Variants in USP32 observed in about 807,000 individuals in gnomAD.
USP32 encodes the protein ubiquitin carboxyl-terminal hydrolase 32.
Under a neutral mutation model 204.8 loss-of-function variants are expected in USP32, and 59 were observed. The ratio of observed to expected loss-of-function variants is 0.29; its 90% CI spans 0.23 to 0.36. The LOEUF (loss-of-function observed/expected upper bound fraction) is 0.36, where lower values mean the gene tolerates loss of function less well. USP32 is among the 10% of genes least tolerant of loss of function. The pLI is 1.00. For missense variants in USP32, 1,160 were observed against 1,946.4 expected (o/e 0.60, Z 7.60); for synonymous variants, 517 against 678.4 (o/e 0.76, Z 3.70).
chr17:60,194,303 T>C (rs548743858), intron 27 of USP32, among the ~76,000 whole-genome samples: 33 of 152,214 alleles, frequency 2.2e-4, no homozygotes, highest in African/African-American at 7.7e-4. Flanking sequence ...CTCAGCCTCC[T>C]AAAGTGCTGG....
intron 1 of USP32, among the ~76,000 whole-genome samples, chr17:60,397,261 C>A (rs1365439867): frequency 2.6e-5 from 4 of 152,294 alleles, no homozygotes; most frequent in Non-Finnish European, 4.4e-5. Flanking sequence ...CCTTAATATG[C>A]TTTCTTAGAT....
At chr17:60,399,778 G>C (rs1005722482) in intron 1 of USP32, among the ~76,000 whole-genome samples, 5 of 152,162 alleles carry the variant, frequency 3.3e-5, no homozygotes, top group African/African-American at 7.2e-5. Flanking sequence ...AGCAGACTTT[G>C]TGGATATCCA....
At chr17:60,183,491 G>T (rs1246812417) in intron 30 of USP32, 38 bp from the exon 31 acceptor site, 2 of 1,525,732 alleles carry the variant, frequency 1.3e-6, no homozygotes, top group Admixed American at 4.4e-5. Flanking sequence ...GCATTAAAGG[G>T]TTCTGAAGAT....
At chr17:60,349,628 A>ATATAT (rs2088895093) in intron 1 of USP32, among the ~76,000 whole-genome samples, 1 of 100,850 alleles carries the variant, frequency 9.9e-6, no homozygotes, top group African/African-American at 6.2e-5. Context: ...TATATATTAT[A>ATATAT]TATATATATA....
At chr17:60,264,991 T>C (rs1204333852) in intron 9 of USP32, among the ~76,000 whole-genome samples, 1 of 152,158 alleles carries the variant, frequency 6.6e-6, no homozygotes, top group Non-Finnish European at 1.5e-5. Context: ...GAAATCACTA[T>C]TCCAACTTCT....
chr17:60,192,064 G>A (rs1282697469), intron 28 of USP32, among the ~76,000 whole-genome samples: 1 of 151,996 alleles, frequency 6.6e-6, no homozygotes, highest in Non-Finnish European at 1.5e-5. Context: ...GGAGGCTGAG[G>A]TGGGTGGATC....
At chr17:60,346,952 CTGTCA>C (rs1171940195) in intron 1 of USP32, among the ~76,000 whole-genome samples, 1 of 152,122 alleles carries the variant, frequency 6.6e-6, no homozygotes, top group Non-Finnish European at 1.5e-5. Context: ...AGACTCTGTC[CTGTCA>C]TAAGGAAGGG....
intron 1 of USP32, among the ~76,000 whole-genome samples, chr17:60,417,707 G>A (rs1430278406): frequency 1.3e-5 from 2 of 152,082 alleles, no homozygotes; most frequent in African/African-American, 4.8e-5. Flanking sequence ...GCCTGCCTCA[G>A]CCTCCCAAAG....
At chr17:60,202,848 A>G (rs2084712214) in intron 26 of USP32, among the ~76,000 whole-genome samples, 2 of 146,000 alleles carry the variant, frequency 1.4e-5, no homozygotes, top group African/African-American at 5.6e-5. Context: ...GATGTAATTA[A>G]GTTGAGGATG....
chr17:60,349,596 AATATATAT>A (rs1187939098), intron 1 of USP32, among the ~76,000 whole-genome samples: 5 of 65,176 alleles, frequency 7.7e-5, no homozygotes, highest in African/African-American at 2.2e-4. Flanking sequence ...AAAAAAAAAA[AATATATAT>A]ATATATATAT....
chr17:60,309,041 A>T (rs984302780), intron 2 of USP32, among the ~76,000 whole-genome samples: 2 of 152,222 alleles, frequency 1.3e-5, no homozygotes, highest in Admixed American at 1.3e-4. Context: ...ACTAGAAAAA[A>T]ACATTGGGGG....
At position 60,182,626 on chromosome 17, in the gene USP32, AGTG is replaced by A. The variant is rs551487634; in HGVS notation, c.4123+536_4123+538del. ...AAAAATACAAAAATTAGCCAGGTGCAGTGGTGCATGCCTGTAGTCCCAGCTACT... is the reference window on the plus strand; with the variant it reads ...AAAAATACAAAAATTAGCCAGGTGCAGTGCATGCCTGTAGTCCCAGCTACT... On this transcript the variant is annotated intron_variant, in intron 31 of 33. Transcript: ENST00000300896. 1.7e-3 allele frequency among the ~76,000 whole-genome samples: 264 copies of A among 152,156 alleles called. 2 individuals carry two copies. The highest frequency in any genetic ancestry group is 3.0e-3 in the Non-Finnish European group (205 of 67,986).
chr17:60,350,320 G>A (rs60735357), intron 1 of USP32, among the ~76,000 whole-genome samples: 6,762 of 151,830 alleles, frequency 0.045, 539 homozygotes, highest in African/African-American at 0.15. Flanking sequence ...ACTGAGTCTC[G>A]CTCTGTAGCC....
At chr17:60,194,682 C>T (rs559789348) in intron 27 of USP32, among the ~76,000 whole-genome samples, 1 of 152,236 alleles carries the variant, frequency 6.6e-6, no homozygotes, top group Non-Finnish European at 1.5e-5. Context: ...ATATGTAAAC[C>T]CTCTCCAAAT....
At chr17:60,179,753 C>A (rs2084053076) in intron 33 of USP32, among the ~76,000 whole-genome samples, 1 of 152,200 alleles carries the variant, frequency 6.6e-6, no homozygotes, top group African/African-American at 2.4e-5. Flanking sequence ...TCACTGCAAC[C>A]TCTGCCTCCT....
intron 5 of USP32, among the ~76,000 whole-genome samples, chr17:60,279,837 A>AAAT (rs774142388): frequency 4.7e-5 from 7 of 149,908 alleles, no homozygotes; most frequent in Admixed American, 2.0e-4. Context: ...AGCCTGTCTC[A>AAAT]AATAATAATA....
intron 9 of USP32, among the ~76,000 whole-genome samples, chr17:60,255,788 T>C (rs956472016): frequency 1.3e-5 from 2 of 152,216 alleles, no homozygotes; most frequent in Non-Finnish European, 2.9e-5. Context: ...TAAATATCTC[T>C]GAATTTTATC....
chr17:60,315,728 A>G (rs1180350731), intron 2 of USP32: 1 of 152,266 alleles, frequency 6.6e-6, no homozygotes, highest in Non-Finnish European at 1.5e-5. Flanking sequence ...TTATTTAGCC[A>G]TAAAAAAGAA....
intron 2 of USP32, among the ~76,000 whole-genome samples, chr17:60,342,520 G>A (rs2088685044): frequency 6.6e-6 from 1 of 152,200 alleles, no homozygotes; most frequent in Non-Finnish European, 1.5e-5. Context: ...GTTCAGCTAT[G>A]CCCTGCCCAC....
Sources: gnomAD v4.1 joint callset for allele counts (sites outside exome capture counted in the v4.1 genomes callset) on GRCh38, gnomAD v4.1.1 for gene constraint, MANE v1.5 for transcripts, NCBI Gene and HGNC (gene_info 2026-07-23, HGNC 2026-07-21) for gene names.